Variants in RHEB observed in about 807,000 individuals in gnomAD.
RHEB encodes GTP-binding protein Rheb.
RHEB carries 2 observed loss-of-function variants against 28.8 expected under a neutral mutation model. The ratio of observed to expected loss-of-function variants is 0.07; its 90% CI spans 0.03 to 0.22. RHEB has a LOEUF of 0.22. Ranked by LOEUF, RHEB falls within the 10% of genes least tolerant of loss-of-function variation. The pLI, the probability that RHEB is intolerant of heterozygous loss-of-function variation, is 1.00. For missense variants in RHEB, 76 were observed against 219.9 expected, an observed-to-expected ratio of 0.35 and a Z score of 4.14; for synonymous variants, 69 against 77.3, an observed-to-expected ratio of 0.89 and a Z score of 0.56.
intron 4 of RHEB, among the ~76,000 whole-genome samples, chr7:151,475,541 A>G (rs1380697421): frequency 6.6e-6 from 1 of 152,246 alleles, no homozygotes; most frequent in Non-Finnish European, 1.5e-5. Flanking sequence ...ACGTGGCAGT[A>G]TATACATTTT....
intron 1 of RHEB, among the ~76,000 whole-genome samples, chr7:151,496,771 T>G (rs574404151): frequency 6.6e-6 from 1 of 152,078 alleles, no homozygotes; most frequent in South Asian, 2.1e-4. Context: ...CTATGACTTT[T>G]GTTTTTTTGT....
intron 3 of RHEB, 32 bp downstream of exon 3, chr7:151,484,705 T>TATAA: frequency 6.8e-7 from 1 of 1,471,268 alleles, no homozygotes; most frequent in Non-Finnish European, 9.5e-7. Context: ...AGATATGCTG[T>TATAA]ATAAGATTCT....
At chr7:151,480,090 G>C (rs922801923) in intron 3 of RHEB, among the ~76,000 whole-genome samples, 6 of 152,194 alleles carry the variant, frequency 3.9e-5, no homozygotes, top group African/African-American at 1.4e-4. Context: ...TGGTGAGGGT[G>C]TAGGGAAATA....
intron 4 of RHEB, among the ~76,000 whole-genome samples, chr7:151,473,904 C>A (rs1287784366): frequency 1.3e-5 from 2 of 152,128 alleles, no homozygotes; most frequent in African/African-American, 4.8e-5. Flanking sequence ...TGTGCCAAAC[C>A]AACTGAAAAA....
chr7:151,490,359 A>C (rs1470507812), intron 2 of RHEB, among the ~76,000 whole-genome samples: 1 of 152,238 alleles, frequency 6.6e-6, no homozygotes, highest in Non-Finnish European at 1.5e-5. Flanking sequence ...AAAATTGAAC[A>C]AAGTAAAGGT....
chr7:151,518,016 G>A (rs1803112550), intron 1 of RHEB: 1 of 152,158 alleles, frequency 6.6e-6, no homozygotes, highest in Non-Finnish European at 1.5e-5. Context: ...ATAAAGGCTG[G>A]ATCCCAGGTT....
At position 151,519,687 on chromosome 7, in the gene RHEB, G is replaced by T; in HGVS notation, c.-176C>A. The stretch of plus-strand genomic sequence containing the variant: ...CGCTCCCAACCGCCCGGAACCGACC[G>T]CGCGGCGGCGCCCCTCCCCCCCACA... On this transcript the variant is annotated 5_prime_UTR_variant, in exon 1 of 8. Coordinates refer to ENST00000262187, the MANE Select transcript of RHEB (RefSeq NM_005614.4). The T allele has an allele frequency of 4.8e-6, 2 of 418,842 alleles. No homozygotes were observed. Among genetic ancestry groups the T allele is most frequent in the Non-Finnish European group, 7.9e-6 (2 of 252,520 alleles). 25.9% of individuals were successfully genotyped at this position (418,842 alleles called of 1,614,324 possible). A position where few individuals can be genotyped will look rare whatever the true frequency, so the allele number is the denominator to read the frequency against.
intron 1 of RHEB, among the ~76,000 whole-genome samples, chr7:151,498,952 T>C (rs759065786): frequency 3.9e-5 from 6 of 152,276 alleles, no homozygotes; most frequent in Non-Finnish European, 8.8e-5. Context: ...TTTACTCAAG[T>C]ATCTATCTGT....
rs1362573429 is a variant in RHEB at position 151,468,292 on chromosome 7, CT to C, written c.463-1082del. 3.3e-5 allele frequency among the ~76,000 whole-genome samples: 5 copies of C among 152,254 alleles called. No homozygotes were observed. The highest frequency in any genetic ancestry group is 1.2e-4 in the African/African-American group (5 of 41,472). ...CCCTATTATTACATCTCCCCTGTCC[CT>C]TAACCACTTCTTGCTGCTCCTTTCC... On this transcript the variant is annotated intron_variant, in intron 7 of 7. Coordinates refer to ENST00000262187, the MANE Select transcript of RHEB (RefSeq NM_005614.4). This position sits in a 1 kb window ranked among gnomAD's most constrained non-coding sequence, Gnocchi z 4.3.
At chr7:151,502,470 A>C (rs935883725) in intron 1 of RHEB, 1 of 862,890 alleles carries the variant, frequency 1.2e-6, no homozygotes, top group African/African-American at 1.6e-5. Context: ...CTGGTTGTTT[A>C]CTGTGGAACA....
chr7:151,508,612 A>G (rs375825239), intron 1 of RHEB, among the ~76,000 whole-genome samples: 28 of 151,338 alleles, frequency 1.9e-4, no homozygotes, highest in African/African-American at 6.8e-4. Context: ...AAAATCTAAA[A>G]TTACATTAGG....
chr7:151,505,897 T>C (rs1255310133), intron 1 of RHEB, among the ~76,000 whole-genome samples: 4 of 152,126 alleles, frequency 2.6e-5, no homozygotes, highest in Non-Finnish European at 5.9e-5. Context: ...TGAGTATATA[T>C]TGTATGATTC....
At chr7:151,511,090 AT>A (rs1802979002) in intron 1 of RHEB, among the ~76,000 whole-genome samples, 1 of 151,066 alleles carries the variant, frequency 6.6e-6, no homozygotes, top group African/African-American at 2.5e-5. Flanking sequence ...AAAATAAAAA[AT>A]AAAAAAAAAA....
intron 1 of RHEB, among the ~76,000 whole-genome samples, chr7:151,500,273 T>C (rs1802750725): frequency 6.6e-6 from 1 of 152,084 alleles, no homozygotes; most frequent in Non-Finnish European, 1.5e-5. Flanking sequence ...TCAACATAGG[T>C]ACTTATTACA....
chr7:151,513,808 G>C (rs1803030852), intron 1 of RHEB, among the ~76,000 whole-genome samples: 1 of 152,200 alleles, frequency 6.6e-6, no homozygotes, highest in African/African-American at 2.4e-5. Context: ...GAGCAGAGAT[G>C]AGAATCCAGC....
At chr7:151,503,917 T>C (rs1238239725) in intron 1 of RHEB, among the ~76,000 whole-genome samples, 1 of 152,200 alleles carries the variant, frequency 6.6e-6, no homozygotes, top group Non-Finnish European at 1.5e-5. Context: ...CAGTGATCCA[T>C]TTACATGGCA....
chr7:151,469,325 A>G (rs372651787), intron 7 of RHEB, among the ~76,000 whole-genome samples: 1 of 152,244 alleles, frequency 6.6e-6, no homozygotes, highest in East Asian at 1.9e-4. Flanking sequence ...TATATAAATG[A>G]TACTGACTCA....
intron 1 of RHEB, chr7:151,498,245 A>C (rs1006825010): frequency 5.0e-6 from 4 of 801,106 alleles, no homozygotes; most frequent in South Asian, 1.4e-5. Flanking sequence ...AGAGGAAGAG[A>C]AGCAGCTCTC....
rs1749651198 is a variant in RHEB, at chr7:151,472,846, AC to A, written c.276-1242del. 6.6e-6 allele frequency among the ~76,000 whole-genome samples: 1 copy of A among 152,094 alleles called. No individual in the cohort carries two copies. Among genetic ancestry groups the A allele is most frequent in the South Asian group, 2.1e-4 (1 of 4,828 alleles). ...TTGATAAAAACAAAAATGAAATTTA[AC>A]CCCCCTACAAGCTCGCTGTGGGTCA... On this transcript the variant is annotated intron_variant, in intron 4 of 7. Coordinates refer to ENST00000262187, the MANE Select transcript of RHEB (RefSeq NM_005614.4). The surrounding 1 kb of genome is among the most constrained non-coding windows in gnomAD (Gnocchi z 5.2).
Sources: allele counts gnomAD v4.1 joint callset (sites outside exome capture counted in the v4.1 genomes callset), GRCh38; gene constraint gnomAD v4.1.1; non-coding constraint Gnocchi (gnomAD v3.1); transcripts MANE v1.5; gene names NCBI Gene and HGNC (gene_info 2026-07-23, HGNC 2026-07-21).